Variants in RIOX2 observed in about 807,000 individuals in gnomAD.
RIOX2 encodes 60S ribosomal protein L27a histidine hydroxylase.
RIOX2 carries 43 observed loss-of-function variants against 51.2 expected under a neutral mutation model. The observed-to-expected ratio is 0.84, with a 90% CI of 0.66 to 1.08. The LOEUF (loss-of-function observed/expected upper bound fraction) is 1.08. Among genes scored for constraint, RIOX2 ranks in the 50% least tolerant of loss-of-function variants. The probability of loss-of-function intolerance (pLI) is 0.00; values close to 1 mark genes in which losing one functional copy is unlikely to be tolerated. For synonymous variants in RIOX2, 226 were observed against 218.5 expected, an observed-to-expected ratio of 1.03 and a Z score of -0.30; for missense variants, 566 against 561.7, an observed-to-expected ratio of 1.01 and a Z score of -0.08.
rs187778671 is a variant in RIOX2 at position 97,942,280 on chromosome 3, T to G, written c.*2904A>C. On this transcript the variant is annotated 3_prime_UTR_variant, in exon 10 of 10. Transcript: ENST00000394198. Reference sequence around the variant, plus strand: ...GCCAATTAATCATTTCTTAACCCTTTTAGGCCAGTGATACATGTCTTGATG... The same window carrying G: ...GCCAATTAATCATTTCTTAACCCTTGTAGGCCAGTGATACATGTCTTGATG... The G allele has an allele frequency of 1.2e-5, 20 of 1,603,330 alleles. No homozygotes were observed. Among genetic ancestry groups the G allele is most frequent in the Non-Finnish European group, 6.0e-6 (7 of 1,173,614 alleles).
chr3:97,969,720 A>G (rs1007224025), intron 1 of RIOX2, among the ~76,000 whole-genome samples: 1 of 152,216 alleles, frequency 6.6e-6, no homozygotes, highest in African/African-American at 2.4e-5. Context: ...GCAACATTTC[A>G]CAAGTGTTGA....
rs2040268439 is a variant in RIOX2, at chr3:97,943,129, A to G, written c.*2055T>C. ...TTCTTTGTAAATGACACATTCATCC[A>G]CCGAAATGGTGAGCTGAACAGAAGC... On this transcript the variant is annotated 3_prime_UTR_variant, in exon 10 of 10. Coordinates refer to ENST00000394198, the MANE Select transcript of RIOX2 (RefSeq NM_153182.4). 3.0e-6 allele frequency: 2 copies of G among 675,446 alleles called. No homozygotes were observed. Among genetic ancestry groups the G allele is most frequent in the Admixed American group, 5.6e-5 (2 of 35,866 alleles). The allele number at this position is 675,446 out of a possible 1,614,324, so 41.8% of individuals were successfully genotyped here.
In RIOX2 at chr3:97,949,952, G is replaced by A. The variant is rs145651928; in HGVS notation, c.952C>T (p.Arg318Trp). Residue 318 changes from arginine to tryptophan, a missense_variant, in exon 7 of 10, where the codon CGG becomes TGG. Coordinates refer to ENST00000394198, the MANE Select transcript of RIOX2 (RefSeq NM_153182.4). ...AGCAGTTCTTTGGTGCCCTCCAGCCGGTCTGCAAGTGTCCTCAGGAAGCCA... is the reference window on the plus strand; with the variant it reads ...AGCAGTTCTTTGGTGCCCTCCAGCCAGTCTGCAAGTGTCCTCAGGAAGCCA... ...LSGFLRTLAD[R>W]LEGTKELLSS... 362 of 1,613,890 alleles carry A rather than the reference G, an allele frequency of 2.2e-4. 1 individual carries two copies. Among genetic ancestry groups the A allele is most frequent in the Non-Finnish European group, 2.8e-4 (330 of 1,179,942 alleles).
chr3:97,954,215 A>G lies in RIOX2; in HGVS notation c.785+177T>C, dbSNP rs73851099. 1,429 of 573,764 alleles carry G rather than the reference A, an allele frequency of 2.5e-3. 14 individuals are homozygous for G. The highest frequency in any genetic ancestry group is 0.023 in the African/African-American group (1,223 of 53,460). 35.5% of individuals were successfully genotyped at this position (573,764 alleles called of 1,614,324 possible). A position where few individuals can be genotyped will look rare whatever the true frequency, so the allele number is the denominator to read the frequency against. ...TCATGATGTCCCCAGAAGCAAGTCC[A>G]GAGGGACCAGTCACATACATGGGAC... On this transcript the variant is annotated intron_variant, in intron 5 of 9. Coordinates refer to ENST00000394198, the MANE Select transcript of RIOX2 (RefSeq NM_153182.4).
In RIOX2 at chr3:97,967,458, T is replaced by C. The variant is rs773625862; in HGVS notation, c.136A>G (p.Ile46Val). 3 of 1,614,146 alleles carry C rather than the reference T, an allele frequency of 1.9e-6. No individual in the cohort carries two copies. In the South Asian group the frequency reaches 3.3e-5, roughly 18 times the overall value. Reference sequence around the variant, plus strand: ...AAAGTCTCTGTCTTGATGGGCGAGATTAAACTTTCAAAGAGACTACTGGGA... The same window carrying C: ...AAAGTCTCTGTCTTGATGGGCGAGACTAAACTTTCAAAGAGACTACTGGGA... ...DSPSSLFESL[I>V]SPIKTETFFK... Residue 46 changes from isoleucine (I) to valine (V), a missense_variant, in exon 2 of 10, where the codon ATC (isoleucine) becomes GTC (valine). Coordinates refer to ENST00000394198, the MANE Select transcript of RIOX2 (RefSeq NM_153182.4).
chr3:97,942,182 C>T lies in RIOX2; in HGVS notation c.*3002G>A. The T allele has an allele frequency of 3.1e-6, 3 of 967,656 alleles. No homozygotes were observed. Among genetic ancestry groups the T allele is most frequent in the Middle Eastern group, 2.3e-4 (1 of 4,354 alleles). The allele number at this position is 967,656 out of a possible 1,614,324, so 59.9% of individuals were successfully genotyped here. A position where few individuals can be genotyped will look rare whatever the true frequency, so the allele number is the denominator to read the frequency against. On this transcript the variant is annotated 3_prime_UTR_variant, in exon 10 of 10. Transcript: ENST00000394198. ...TATTTTTTTAGATAAGACACACACA[C>T]ACTTCATGTCTATGACTTGTTTACC... is the stretch of plus-strand genomic sequence containing the variant.
intron 5 of RIOX2, 55 bp downstream of exon 5, chr3:97,954,337 T>G (rs536969250): frequency 7.5e-7 from 1 of 1,329,982 alleles, no homozygotes; most frequent in South Asian, 1.2e-5. Flanking sequence ...ATGTGGCTGC[T>G]GCAGGCCAGG....
intron 5 of RIOX2, among the ~76,000 whole-genome samples, chr3:97,951,449 G>A (rs1009939634): frequency 2.0e-5 from 3 of 152,102 alleles, no homozygotes; most frequent in African/African-American, 4.8e-5. Context: ...GTCTAGCAGT[G>A]GTTTTACCGG....
At chr3:97,952,449 T>C (rs1012924772) in intron 5 of RIOX2, among the ~76,000 whole-genome samples, 7 of 152,152 alleles carry the variant, frequency 4.6e-5, no homozygotes, top group Non-Finnish European at 7.4e-5. Flanking sequence ...GTCAGGTCCT[T>C]AGCAGAAGCA....
Position 97,943,762 on chromosome 3 carries a change from A to AGAT in RIOX2, c.*1419_*1421dup, listed in dbSNP as rs34808972. On this transcript the variant is annotated 3_prime_UTR_variant, in exon 10 of 10. Transcript: ENST00000394198. ...TAGGTCAAGTCATACTTTTGCAAAC[A>AGAT]GATGAGTAATTTTTTAGCAACACCT... 70,473 of 153,110 alleles carry AGAT rather than the reference A, an allele frequency of 0.46. 17,030 individuals carry two copies. The highest frequency in any genetic ancestry group is 0.68 in the East Asian group (3,477 of 5,130). The allele number at this position is 153,110 out of a possible 1,614,324, so 9.5% of individuals were successfully genotyped here.
In RIOX2 at chr3:97,943,550, T is replaced by C. The variant is rs2040281342; in HGVS notation, c.*1634A>G. On this transcript the variant is annotated 3_prime_UTR_variant, in exon 10 of 10. Transcript: ENST00000394198. ...ATATTATGATATCTTGGAAAGGTTC[T>C]ATTCCTGATCTCCAGCTGTGGTGAG... 2 of 453,830 alleles carry C rather than the reference T, an allele frequency of 4.4e-6. No individual in the cohort carries two copies. The highest frequency in any genetic ancestry group is 7.7e-6 in the Non-Finnish European group (2 of 259,404). The allele number at this position is 453,830 out of a possible 1,614,324, so 28.1% of individuals were successfully genotyped here.
chr3:97,942,405 G>T lies in RIOX2; in HGVS notation c.*2779C>A. On this transcript the variant is annotated 3_prime_UTR_variant, in exon 10 of 10. Transcript: ENST00000394198. ...AGACTGAATAAAAATGGAACTATCA[G>T]CTCTTATCTCAGTGATCAACTTGTC... The T allele has an allele frequency of 1.9e-6, 3 of 1,611,606 alleles. No homozygotes were observed. Among genetic ancestry groups the T allele is most frequent in the Non-Finnish European group, 2.5e-6 (3 of 1,178,392 alleles).
Position 97,954,437 on chromosome 3 carries a change from C to T in RIOX2, c.740G>A (p.Gly247Glu). 3.1e-6 allele frequency: 5 copies of T among 1,614,080 alleles called. No homozygotes were observed. The highest frequency in any genetic ancestry group is 4.2e-6 in the Non-Finnish European group (5 of 1,179,960). The change falls in exon 5 of 10, where the codon GGG (glycine) becomes GAG (glutamate). Residue 247 changes from glycine to glutamate, a missense_variant. Physicochemically the swap from Gly to Glu is moderately conservative, Grantham distance 98. Transcript: ENST00000394198. ...GGTCACGTGAGTAGAGTGGGCCAGC[C>T]CCGCAGGAGTGTCCGCTTGATGAAT... ...GTIHQADTPAGLAHSTHVTIS... is the reference protein window; with the variant it reads ...GTIHQADTPAELAHSTHVTIS...
chr3:97,959,593 G>A (rs994877974), intron 3 of RIOX2, among the ~76,000 whole-genome samples: 3 of 152,066 alleles, frequency 2.0e-5, no homozygotes, highest in African/African-American at 4.8e-5. Context: ...GATTACAGGC[G>A]TGAGCCACCA....
In RIOX2 at chr3:97,950,030, G is replaced by A; in HGVS notation, c.889-15C>T. ...GATTCCACCTGCTAGGAACACAGAA[G>A]TGAGTCCTGGCCCAGATGCCAGCAG... On this transcript the variant is annotated splice_polypyrimidine_tract_variant and intron_variant, in intron 6 of 9. Transcript: ENST00000394198. The A allele has an allele frequency of 6.2e-7, 1 of 1,612,680 alleles. No individual in the cohort carries two copies. Among genetic ancestry groups the A allele is most frequent in the Non-Finnish European group, 8.5e-7 (1 of 1,179,706 alleles).
intron 5 of RIOX2, among the ~76,000 whole-genome samples, chr3:97,952,854 G>A (rs897083293): frequency 6.6e-6 from 1 of 152,084 alleles, no homozygotes; most frequent in African/African-American, 2.4e-5. Flanking sequence ...AAAGTGATGA[G>A]GGCATTTTTC....
chr3:97,950,698 A>G lies in RIOX2; in HGVS notation c.888+88T>C, dbSNP rs552549304. 32 of 1,005,292 alleles carry G rather than the reference A, an allele frequency of 3.2e-5. No homozygotes were observed. In the African/African-American group the frequency reaches 4.3e-4, roughly 13 times the overall value. 62.3% of individuals were successfully genotyped at this position (1,005,292 alleles called of 1,614,324 possible). ...GTAGACAAGCCTGGCTCATGTTGGA[A>G]GAAGTATCCTGGGGTCCTTAAGGTA... On this transcript the variant is annotated intron_variant, in intron 6 of 9. Transcript: ENST00000394198.
intron 9 of RIOX2, 42 bp from the exon 10 acceptor site, chr3:97,945,384 TTA>T: frequency 6.5e-7 from 1 of 1,531,284 alleles, no homozygotes; most frequent in Non-Finnish European, 8.9e-7. Context: ...TGTATACTAC[TTA>T]TGTCATTGAA....
intron 8 of RIOX2, among the ~76,000 whole-genome samples, chr3:97,946,612 T>TATATC (rs2040372999): frequency 1.6e-4 from 9 of 55,546 alleles, no homozygotes; most frequent in African/African-American, 7.7e-4. Flanking sequence ...ATATATCTAT[T>TATATC]CATGTATATT....
Sources: gnomAD v4.1 joint callset for allele counts (sites outside exome capture counted in the v4.1 genomes callset) on GRCh38, gnomAD v4.1.1 for gene constraint, MANE v1.5 for transcripts, NCBI Gene and HGNC (gene_info 2026-07-23, HGNC 2026-07-21) for gene names.